Variants in KANSL1 observed in about 807,000 individuals in gnomAD.
The protein encoded by KANSL1 is KAT8 regulatory NSL complex subunit 1.
In KANSL1, 22 loss-of-function variants were observed where a neutral mutation model predicts 103.6. The ratio of observed to expected loss-of-function variants is 0.21; its 90% CI spans 0.15 to 0.30. The LOEUF is 0.30. KANSL1 is among the 10% of genes least tolerant of loss of function. The pLI is 1.00. For synonymous variants in KANSL1, 600 were observed against 527.6 expected, an observed-to-expected ratio of 1.14 and a Z score of -1.88; for missense variants, 1,337 against 1,399.8, an observed-to-expected ratio of 0.96 and a Z score of 0.72.
At chr17:46,099,309 G>A (rs1312386140) in intron 2 of KANSL1, among the ~76,000 whole-genome samples, 1 of 107,710 alleles carries the variant, frequency 9.3e-6, no homozygotes, top group African/African-American at 2.8e-5. Flanking sequence ...GGGCCACAGA[G>A]CGAGACTCCG....
intron 6 of KANSL1, among the ~76,000 whole-genome samples, chr17:46,060,428 T>G (rs1445868726): frequency 6.6e-6 from 1 of 152,198 alleles, no homozygotes; most frequent in African/African-American, 2.4e-5. Flanking sequence ...AAAATTTATT[T>G]TGTATGTGTT....
intron 1 of KANSL1, among the ~76,000 whole-genome samples, chr17:46,206,813 A>C (rs1027937671): frequency 1.3e-5 from 2 of 152,232 alleles, no homozygotes; most frequent in African/African-American, 2.4e-5. Context: ...AAAACAAGTA[A>C]ATTTGGCTTC....
chr17:46,140,509 G>A (rs1204882417), intron 2 of KANSL1, among the ~76,000 whole-genome samples: 6 of 150,908 alleles, frequency 4.0e-5, no homozygotes, highest in Non-Finnish European at 1.5e-5. Flanking sequence ...CTTATGCTGT[G>A]ACACAAAAAG....
At chr17:46,188,713 A>G (rs2047149910) in intron 1 of KANSL1, among the ~76,000 whole-genome samples, 1 of 152,188 alleles carries the variant, frequency 6.6e-6, no homozygotes, top group Non-Finnish European at 1.5e-5. Flanking sequence ...GAGTACAACG[A>G]AAGCTGCTTT....
At chr17:46,213,954 A>G (rs552193325) in intron 1 of KANSL1, among the ~76,000 whole-genome samples, 3 of 152,114 alleles carry the variant, frequency 2.0e-5, no homozygotes, top group Non-Finnish European at 2.9e-5. Context: ...CTAATGTCAC[A>G]AACAATTCTA....
intron 6 of KANSL1, among the ~76,000 whole-genome samples, chr17:46,065,879 T>C (rs1266808108): frequency 1.3e-5 from 2 of 152,172 alleles, no homozygotes; most frequent in Non-Finnish European, 2.9e-5. Flanking sequence ...TTCCTTTTTT[T>C]CTCAGGCAGG....
chr17:46,167,202 A>G (rs1371696989), intron 2 of KANSL1, among the ~76,000 whole-genome samples: 2 of 152,102 alleles, frequency 1.3e-5, no homozygotes, highest in African/African-American at 2.4e-5. Flanking sequence ...TTATAAGCAC[A>G]GGACCCAGAA....
At chr17:46,038,939 C>A (rs1598455889) in intron 9 of KANSL1, 88 bp downstream of exon 9, 7 of 1,480,374 alleles carry the variant, frequency 4.7e-6, no homozygotes, top group Non-Finnish European at 5.5e-6. Flanking sequence ...AAGGACAAAG[C>A]TGGGGGTAAT....
intron 7 of KANSL1, chr17:46,041,916 T>TGTGTGTGTG (rs2077338121): frequency 1.2e-5 from 1 of 80,736 alleles, no homozygotes; most frequent in African/African-American, 4.9e-5. Flanking sequence ...GTGTGTATAT[T>TGTGTGTGTG]TTTTTTTTTT....
upstream of KANSL1, among the ~76,000 whole-genome samples, chr17:46,197,372 G>A (rs2047646751): frequency 6.6e-6 from 1 of 152,226 alleles, no homozygotes; most frequent in Non-Finnish European, 1.5e-5. Flanking sequence ...GCTGGGCGTG[G>A]TGGCTCATGC....
chr17:46,069,345 G>A lies in KANSL1; in HGVS notation c.1534-1678C>T, dbSNP rs187555120. Among the ~76,000 whole-genome samples the A allele has an allele frequency of 2.2e-3, 339 of 152,220 alleles. 1 individual carries two copies. Among genetic ancestry groups the A allele is most frequent in the Non-Finnish European group, 3.9e-3 (263 of 68,008 alleles). ...CAAATGCTTTCAAGGTAAATATTTT[G>A]AGGCTGAAATTCTACTTTTCAATAC... On this transcript the variant is annotated intron_variant, in intron 4 of 14. Transcript: ENST00000432791.
intron 4 of KANSL1, among the ~76,000 whole-genome samples, chr17:46,080,805 GA>G (rs2078964029): frequency 6.6e-6 from 1 of 151,672 alleles, no homozygotes; most frequent in Non-Finnish European, 1.5e-5. Flanking sequence ...CGAAAACAGG[GA>G]AGGGGTAATC....
chr17:46,118,895 T>C (rs1174208308), intron 2 of KANSL1, among the ~76,000 whole-genome samples: 1 of 152,242 alleles, frequency 6.6e-6, no homozygotes, highest in East Asian at 1.9e-4. Context: ...TTCTACATTC[T>C]TTCTCATGGG....
At chr17:46,160,704 C>A (rs1311469450) in intron 2 of KANSL1, among the ~76,000 whole-genome samples, 1 of 152,156 alleles carries the variant, frequency 6.6e-6, no homozygotes, top group East Asian at 1.9e-4. Flanking sequence ...TACCTTTCCT[C>A]AAAAAATACG....
At chr17:46,185,459 G>A (rs1261459770) in intron 1 of KANSL1, among the ~76,000 whole-genome samples, 1 of 152,096 alleles carries the variant, frequency 6.6e-6, no homozygotes, top group Non-Finnish European at 1.5e-5. Flanking sequence ...GCATTATAAA[G>A]GTAATAGCCA....
intron 1 of KANSL1, among the ~76,000 whole-genome samples, chr17:46,201,443 C>T (rs1169039698): frequency 6.6e-6 from 1 of 152,160 alleles, no homozygotes; most frequent in African/African-American, 2.4e-5. Flanking sequence ...ATTCAAAACC[C>T]TCCAAAATCT....
At chr17:46,166,558 A>G (rs1311644351) in intron 2 of KANSL1, among the ~76,000 whole-genome samples, 1 of 152,206 alleles carries the variant, frequency 6.6e-6, no homozygotes, top group Non-Finnish European at 1.5e-5. Flanking sequence ...CACTGCAATC[A>G]AGACCATCCA....
Position 46,171,329 on chromosome 17 carries a change from G to C in KANSL1, c.815C>G (p.Ser272Cys). 1.2e-6 allele frequency: 2 copies of C among 1,614,174 alleles called. No individual in the cohort carries two copies. Among genetic ancestry groups the C allele is most frequent in the Admixed American group, 1.7e-5 (1 of 60,030 alleles). The part of the protein sequence containing the change: ...KLEGKKSPLS[S>C]ILFSALDSDT... ...AGAATCTAAAGCACTGAAAAGAATG[G>C]AAGACAGGGGAGACTTTTTACCCTC... The change falls in exon 2 of 15, where the codon TCC becomes TGC. Residue 272 changes from serine to cysteine, a missense_variant. Physicochemically the swap from Ser to Cys is moderately radical, Grantham distance 112. Transcript: ENST00000432791.
chr17:46,189,031 C>CAAAAAAAAA lies in KANSL1; in HGVS notation c.-90+3783_-90+3791dup, dbSNP rs57566816. ...CTGGGCAACAGAGCAAAGATTGTCT[C>CAAAAAAAAA]AAAAAAAAAAAAAAAAAAAAAAAAA... On this transcript the variant is annotated intron_variant, in intron 1 of 14. Transcript: ENST00000432791. Among the ~76,000 whole-genome samples the CAAAAAAAAA allele has an allele frequency of 1.2e-3, 74 of 62,370 alleles. 5 individuals are homozygous for CAAAAAAAAA. The highest frequency in any genetic ancestry group is 2.2e-3 in the African/African-American group (22 of 10,118). The allele number at this position is 62,370 out of a possible 152,430, so 40.9% of individuals were successfully genotyped here.
Sources: allele counts gnomAD v4.1 joint callset (sites outside exome capture counted in the v4.1 genomes callset), GRCh38; gene constraint gnomAD v4.1.1; transcripts MANE v1.5; gene names NCBI Gene and HGNC (gene_info 2026-07-23, HGNC 2026-07-21).